PFKFB3: variants seen among roughly 807,000 people sequenced by gnomAD.
PFKFB3 encodes 6-phosphofructo-2-kinase/fructose-2,6-bisphosphatase 3.
A neutral mutation model predicts 68.0 loss-of-function variants in PFKFB3; 33 were observed. The observed-to-expected ratio is 0.49, with a 90% CI of 0.37 to 0.65. PFKFB3 has a LOEUF of 0.65. Ranked by LOEUF, PFKFB3 falls within the 30% of genes least tolerant of loss-of-function variation. PFKFB3 has a pLI of 0.00. For synonymous variants in PFKFB3, 315 were observed against 288.2 expected, an observed-to-expected ratio of 1.09 and a Z score of -0.94; for missense variants, 586 against 712.2, an observed-to-expected ratio of 0.82 and a Z score of 2.02.
chr10:6,189,413 GCTT>G (rs1842966611), intron 1 of PFKFB3, among the ~76,000 whole-genome samples: 1 of 151,686 alleles, frequency 6.6e-6, no homozygotes, highest in Admixed American at 6.6e-5. Flanking sequence ...TCCATCTGTT[GCTT>G]CTTCCTAATT....
the PFKFB3 span, among the ~76,000 whole-genome samples, chr10:6,301,525 T>C: frequency 6.6e-6 from 1 of 152,242 alleles, no homozygotes; most frequent in South Asian, 2.1e-4. Context: ...AGAATCCTCA[T>C]TGAAGATGAA....
At chr10:6,259,200 C>CATCT (rs747175455), downstream of PFKFB3, among the ~76,000 whole-genome samples, 25 of 149,612 alleles carry the variant, frequency 1.7e-4, no homozygotes, top group South Asian at 4.3e-4. Flanking sequence ...TCCATCCATC[C>CATCT]ATCCATCCAT....
At chr10:6,310,914 A>G in the PFKFB3 span, among the ~76,000 whole-genome samples, 3 of 152,234 alleles carry the variant, frequency 2.0e-5, no homozygotes, top group Non-Finnish European at 4.4e-5. Context: ...TTTGTTTAGT[A>G]TTTTAACATG....
At position 6,228,135 on chromosome 10, in the gene PFKFB3, T is replaced by C. The variant is rs1460591025; in HGVS notation, c.1515+1770T>C. On this transcript the variant is annotated intron_variant, in intron 14 of 14. Transcript: ENST00000379775. This position sits in a 1 kb window ranked among gnomAD's most constrained non-coding sequence, Gnocchi z 4.5. ...GGCCGGCGTGGGGTTTTTCAGGGCT[T>C]CGTCCCTGCAGATTGCGCCCTGCCT... The C allele has an allele frequency of 6.2e-7, 1 of 1,601,170 alleles. No homozygotes were observed. The highest frequency in any genetic ancestry group is 8.5e-7 in the Non-Finnish European group (1 of 1,169,660).
At chr10:6,303,704 G>T in the PFKFB3 span, among the ~76,000 whole-genome samples, 11 of 151,212 alleles carry the variant, frequency 7.3e-5, no homozygotes, top group Admixed American at 1.3e-4. Flanking sequence ...GGAGGCTGCG[G>T]CAGGAGAATC....
At chr10:6,276,474 A>G in the PFKFB3 span, among the ~76,000 whole-genome samples, 1 of 152,064 alleles carries the variant, frequency 6.6e-6, no homozygotes, top group Non-Finnish European at 1.5e-5. Flanking sequence ...ATTTAGCTGC[A>G]GACAGGATAG....
chr10:6,304,700 T>TTA, the PFKFB3 span, among the ~76,000 whole-genome samples: 6 of 146,256 alleles, frequency 4.1e-5, no homozygotes, highest in African/African-American at 1.5e-4. Context: ...TTTTTTTTTT[T>TTA]AGTAGAGATG....
At chr10:6,196,649 C>G (rs553051646) in intron 1 of PFKFB3, among the ~76,000 whole-genome samples, 1 of 152,322 alleles carries the variant, frequency 6.6e-6, no homozygotes, top group South Asian at 2.1e-4. Context: ...CCACGGTCTT[C>G]TGCCTGCTTT....
chr10:6,235,430 G>A lies in PFKFB3; in HGVS notation c.*2488G>A, dbSNP rs536956181. The A allele has an allele frequency of 3.3e-5, 5 of 152,290 alleles. No homozygotes were observed. The highest frequency in any genetic ancestry group is 7.3e-5 in the Non-Finnish European group (5 of 68,038). The allele number at this position is 152,290 out of a possible 1,614,324, so 9.4% of individuals were successfully genotyped here. On this transcript the variant is annotated 3_prime_UTR_variant, in exon 15 of 15. Coordinates refer to ENST00000379775, the MANE Select transcript of PFKFB3 (RefSeq NM_004566.4). ...GTTCTGTGTATTTGTCTGAATTAATGACCTGGGATATAAAGCTATGCTAGC... is the reference window on the plus strand; with the variant it reads ...GTTCTGTGTATTTGTCTGAATTAATAACCTGGGATATAAAGCTATGCTAGC...
intron 1 of PFKFB3, among the ~76,000 whole-genome samples, chr10:6,156,675 A>AC (rs1841811489): frequency 3.3e-5 from 5 of 150,816 alleles, no homozygotes; most frequent in African/African-American, 1.2e-4. Flanking sequence ...TTTAGTAGAG[A>AC]TGGGGTTTCG....
In PFKFB3 at chr10:6,215,304, A is replaced by G. The variant is rs1844493344; in HGVS notation, c.286A>G (p.Met96Val). 6.2e-7 allele frequency: 1 copy of G among 1,613,512 alleles called. No homozygotes were observed. Among genetic ancestry groups the G allele is most frequent in the Non-Finnish European group, 8.5e-7 (1 of 1,179,766 alleles). ...NFFRPDNEEA[M>V]KVRKQCALAA... Reference sequence around the variant, plus strand: ...CTTCCGCCCCGACAATGAGGAAGCCATGAAAGTCCGGAAGTAAGGCTGGGC... The same window carrying G: ...CTTCCGCCCCGACAATGAGGAAGCCGTGAAAGTCCGGAAGTAAGGCTGGGC... The change falls in exon 3 of 15, where the codon ATG becomes GTG. Residue 96 changes from methionine (M) to valine (V), a missense_variant. Met to Val is a conservative substitution (Grantham distance 21). Transcript: ENST00000379775. This position sits in a 1 kb window ranked among gnomAD's most constrained non-coding sequence, Gnocchi z 4.3.
chr10:6,156,801 A>C (rs1841817462), intron 1 of PFKFB3, among the ~76,000 whole-genome samples: 1 of 151,960 alleles, frequency 6.6e-6, no homozygotes, highest in South Asian at 2.1e-4. Flanking sequence ...TCTCTTTTTA[A>C]AGTATCTGGG....
chr10:6,261,356 A>G, the PFKFB3 span, among the ~76,000 whole-genome samples: 120 of 152,320 alleles, frequency 7.9e-4, 2 homozygotes, highest in African/African-American at 2.7e-3. Context: ...CTGTCTTTGG[A>G]ATGAGATCAT....
rs1030633142 is a variant in PFKFB3 at position 6,215,803 on chromosome 10, C to T, written c.300-322C>T. On this transcript the variant is annotated intron_variant, in intron 3 of 14. Transcript: ENST00000379775. This position sits in a 1 kb window ranked among gnomAD's most constrained non-coding sequence, Gnocchi z 4.3. ...GAGTCTCCTGGGGGATGCTAAAATC[C>T]CTGATGCCAGGCCCCACCCCAGACC... Among the ~76,000 whole-genome samples the T allele has an allele frequency of 6.6e-6, 1 of 152,180 alleles. No homozygotes were observed. Among genetic ancestry groups the T allele is most frequent in the African/African-American group, 2.4e-5 (1 of 41,438 alleles).
At chr10:6,255,727 G>A (rs1019206989), downstream of PFKFB3, among the ~76,000 whole-genome samples, 2 of 152,216 alleles carry the variant, frequency 1.3e-5, no homozygotes, top group Admixed American at 1.3e-4. Context: ...AACAACAGCA[G>A]TCGGCTGGGG....
intron 1 of PFKFB3, among the ~76,000 whole-genome samples, chr10:6,150,421 C>T (rs1025055076): frequency 6.6e-6 from 1 of 152,072 alleles, no homozygotes; most frequent in Non-Finnish European, 1.5e-5. Flanking sequence ...ACCAGGCGTT[C>T]GAGACCAGCC....
At chr10:6,148,381 G>A (rs1411228468) in intron 1 of PFKFB3, among the ~76,000 whole-genome samples, 5 of 152,226 alleles carry the variant, frequency 3.3e-5, no homozygotes, top group South Asian at 2.1e-4. Flanking sequence ...GGTATGGCAC[G>A]TGGCAGGCAG....
Position 6,228,137 on chromosome 10 carries a change from G to A in PFKFB3, c.1515+1772G>A, listed in dbSNP as rs1269609941. ...CCGGCGTGGGGTTTTTCAGGGCTTC[G>A]TCCCTGCAGATTGCGCCCTGCCTCC... On this transcript the variant is annotated intron_variant, in intron 14 of 14. Coordinates refer to ENST00000379775, the MANE Select transcript of PFKFB3 (RefSeq NM_004566.4). The surrounding 1 kb of genome is among the most constrained non-coding windows in gnomAD (Gnocchi z 4.5). The A allele has an allele frequency of 1.2e-5, 19 of 1,604,008 alleles. No individual in the cohort carries two copies. Among genetic ancestry groups the A allele is most frequent in the African/African-American group, 2.7e-5 (2 of 74,742 alleles).
downstream of PFKFB3, among the ~76,000 whole-genome samples, chr10:6,240,159 A>G (rs1846108119): frequency 6.6e-6 from 1 of 152,238 alleles, no homozygotes; most frequent in Non-Finnish European, 1.5e-5. Flanking sequence ...GCTAGGATGC[A>G]GGACGTTTGC....
Sources: allele counts gnomAD v4.1 joint callset (sites outside exome capture counted in the v4.1 genomes callset), GRCh38; gene constraint gnomAD v4.1.1; non-coding constraint Gnocchi (gnomAD v3.1); transcripts MANE v1.5; gene names NCBI Gene and HGNC (gene_info 2026-07-23, HGNC 2026-07-21).